Variants in CIZ1 observed in about 807,000 individuals in gnomAD.
CIZ1 encodes CDKN1A interacting zinc finger protein 1.
CIZ1 carries 58 observed loss-of-function variants against 118.6 expected under a neutral mutation model. The ratio of observed to expected loss-of-function variants is 0.49; its 90% CI spans 0.40 to 0.61. The LOEUF (loss-of-function observed/expected upper bound fraction) is 0.61. Ranked by LOEUF, CIZ1 falls within the 20% of genes least tolerant of loss-of-function variation. The pLI is 0.00. For synonymous variants in CIZ1, 448 were observed against 443.4 expected (o/e 1.01, Z -0.13); for missense variants, 921 against 1,115.9 (o/e 0.83, Z 2.49).
intron 3 of CIZ1, among the ~76,000 whole-genome samples, chr9:128,189,157 G>A (rs991317984): frequency 7.2e-5 from 11 of 152,008 alleles, no homozygotes; most frequent in African/African-American, 1.9e-4. Flanking sequence ...AGCTGTTCTC[G>A]AACTCCTGGA....
At position 128,190,727 on chromosome 9, in the gene CIZ1, T is replaced by C. The variant is rs772877427; in HGVS notation, c.131A>G (p.Gln44Arg). The C allele has an allele frequency of 1.4e-5, 21 of 1,550,762 alleles. No homozygotes were observed. The highest frequency in any genetic ancestry group is 1.8e-5 in the Non-Finnish European group (21 of 1,148,700). The part of the protein sequence containing the change: ...QLLQLQQLLQ[Q>R]SPPQAPLPMA... ...GGGCAACGGGGCCTGTGGTGGGGAC[T>C]GCTGGAGCAGCTGCTGGAGCTGCAG... The change falls in exon 2 of 17, where the codon CAG becomes CGG. Residue 44 changes from glutamine to arginine, a missense_variant. Gln to Arg is a conservative substitution (Grantham distance 43). Coordinates refer to ENST00000372938, the MANE Select transcript of CIZ1 (RefSeq NM_001131016.2).
At chr9:128,172,736 T>C (rs1005984073) in intron 11 of CIZ1, among the ~76,000 whole-genome samples, 24 of 152,184 alleles carry the variant, frequency 1.6e-4, no homozygotes, top group African/African-American at 5.5e-4. Context: ...TAGGTCAAAA[T>C]GTAAACAGTG....
At position 128,179,661 on chromosome 9, in the gene CIZ1, G is replaced by A. The variant is rs79816566; in HGVS notation, c.792-246C>T. 4.9e-3 allele frequency among the ~76,000 whole-genome samples: 740 copies of A among 151,634 alleles called. 3 individuals are homozygous for A. Among genetic ancestry groups the A allele is most frequent in the African/African-American group, 0.017 (703 of 41,326 alleles). ...GACTGTTTCTTTTTGTTTGTTTTTG[G>A]TTTTTTGTTGTTGTTTGTTTGTTTT... On this transcript the variant is annotated intron_variant, in intron 7 of 16. Transcript: ENST00000372938.
At chr9:128,167,573 C>T (rs1829589631) in intron 14 of CIZ1, 1 of 187,886 alleles carries the variant, frequency 5.3e-6, no homozygotes, top group Non-Finnish European at 1.1e-5. Flanking sequence ...TGTGGAGGAG[C>T]TGGGCAGGGA....
rs757675037 is a variant in CIZ1 at position 128,166,888 on chromosome 9, A to AT, written c.2366-9dup. ...GCACCAGGAAGTCCACACCTGTAGG[A>AT]TGGGATGGCAGGGTCTGCACTCACA... On this transcript the variant is annotated splice_polypyrimidine_tract_variant and intron_variant, in intron 15 of 16. Transcript: ENST00000372938. The surrounding 1 kb of genome is among the most constrained non-coding windows in gnomAD (Gnocchi z 4.4). 6.2e-7 allele frequency: 1 copy of AT among 1,614,190 alleles called. No individual in the cohort carries two copies. Among genetic ancestry groups the AT allele is most frequent in the South Asian group, 1.1e-5 (1 of 91,082 alleles).
intron 14 of CIZ1, among the ~76,000 whole-genome samples, chr9:128,168,560 C>T (rs1173443292): frequency 6.6e-6 from 1 of 151,324 alleles, no homozygotes; most frequent in African/African-American, 2.4e-5. Context: ...CGAATCCAAG[C>T]TCCTCCAGCT....
At chr9:128,195,798 T>C (rs975522391), upstream of CIZ1, among the ~76,000 whole-genome samples, 5 of 152,206 alleles carry the variant, frequency 3.3e-5, no homozygotes, top group Admixed American at 2.0e-4. Flanking sequence ...TTCCCAATTA[T>C]ATATTTTTTT....
chr9:128,167,202 C>T (rs1391679065), intron 14 of CIZ1, 38 bp from the exon 15 acceptor site: 3 of 1,482,540 alleles, frequency 2.0e-6, no homozygotes, highest in African/African-American at 2.8e-5. Flanking sequence ...ATCTGGCTTC[C>T]CCTTGACACC....
chr9:128,182,234 G>A (rs1252707086), intron 5 of CIZ1, among the ~76,000 whole-genome samples: 1 of 152,112 alleles, frequency 6.6e-6, no homozygotes, highest in African/African-American at 2.4e-5. Context: ...CGCATTGGTG[G>A]TAGTGGTCCC....
At chr9:128,197,646 T>C (rs1222689427) in intron 1 of CIZ1, 1 of 152,264 alleles carries the variant, frequency 6.6e-6, no homozygotes, top group African/African-American at 2.4e-5. Flanking sequence ...TTTGGCCAAC[T>C]GTGCCAGACA....
At chr9:128,196,365 T>C (rs1264614233), upstream of CIZ1, among the ~76,000 whole-genome samples, 3 of 151,856 alleles carry the variant, frequency 2.0e-5, no homozygotes, top group Non-Finnish European at 4.4e-5. Flanking sequence ...CTGGACAATA[T>C]AGGGAGATCA....
upstream of CIZ1, chr9:128,191,656 C>T: frequency 4.8e-6 from 6 of 1,246,140 alleles, 1 homozygote; most frequent in Non-Finnish European, 1.0e-6. This position sits in a 1 kb window ranked among gnomAD's most constrained non-coding sequence, Gnocchi z 5.5. Context: ...CACCCGAGCC[C>T]GCCCAGTGCA....
intron 5 of CIZ1, among the ~76,000 whole-genome samples, chr9:128,184,124 T>A (rs1328540355): frequency 6.6e-6 from 1 of 152,204 alleles, no homozygotes; most frequent in Non-Finnish European, 1.5e-5. Context: ...AATGTCAGGT[T>A]ATGATATGAT....
chr9:128,168,185 C>A (rs1829674087), intron 14 of CIZ1, among the ~76,000 whole-genome samples: 1 of 152,220 alleles, frequency 6.6e-6, no homozygotes, highest in Admixed American at 6.5e-5. Flanking sequence ...AGCACCAGGG[C>A]CTGACCTAGA....
At chr9:128,185,815 G>C (rs111467638) in intron 4 of CIZ1, 39 bp from the exon 5 acceptor site, 2 of 1,461,902 alleles carry the variant, frequency 1.4e-6, no homozygotes, top group African/African-American at 1.4e-5. Context: ...GTCACAATGT[G>C]GTCGGGTGGC....
upstream of CIZ1, among the ~76,000 whole-genome samples, chr9:128,195,439 T>C (rs1307908499): frequency 1.3e-5 from 2 of 152,142 alleles, no homozygotes; most frequent in Non-Finnish European, 2.9e-5. Context: ...TGCCTCAGCA[T>C]CCTGAGTAGC....
intron 7 of CIZ1, 44 bp downstream of exon 7, chr9:128,180,371 G>A (rs764716737): frequency 6.9e-7 from 1 of 1,455,544 alleles, no homozygotes; most frequent in African/African-American, 1.4e-5. Flanking sequence ...AGGAATGAGA[G>A]CACAGGGCAC....
rs561701649 is a variant in CIZ1, at chr9:128,191,421, C to T, written c.-6+11G>A. 177 of 928,562 alleles carry T rather than the reference C, an allele frequency of 1.9e-4. 3 individuals carry two copies. The South Asian group carries it at 7.2e-3, about 38-fold the overall frequency. The allele number at this position is 928,562 out of a possible 1,614,324, so 57.5% of individuals were successfully genotyped here. ...CGGAGCCCCACGACCCAGCCGCCCC[C>T]GGCCCCGCACCTCGCCTCCCCGCGC... is the stretch of plus-strand genomic sequence containing the variant. On this transcript the variant is annotated intron_variant, in intron 1 of 16. Coordinates refer to ENST00000372938, the MANE Select transcript of CIZ1 (RefSeq NM_001131016.2). The surrounding 1 kb of genome is among the most constrained non-coding windows in gnomAD (Gnocchi z 5.5).
At chr9:128,176,497 G>C in intron 10 of CIZ1, 22 bp from the exon 11 acceptor site, 1 of 1,610,000 alleles carries the variant, frequency 6.2e-7, no homozygotes, top group Non-Finnish European at 8.5e-7. Context: ...GGGAAAGAGG[G>C]ATGGGCCTGG....
Sources: allele counts gnomAD v4.1 joint callset (sites outside exome capture counted in the v4.1 genomes callset), GRCh38; gene constraint gnomAD v4.1.1; non-coding constraint Gnocchi (gnomAD v3.1); transcripts MANE v1.5; gene names NCBI Gene and HGNC (gene_info 2026-07-23, HGNC 2026-07-21).